MEF2A: variants seen among roughly 807,000 people sequenced by gnomAD.
MEF2A encodes the protein myocyte enhancer factor 2A, also known as myocyte-specific enhancer factor 2A.
In MEF2A, 28 loss-of-function variants were observed where a neutral mutation model predicts 55.8. The ratio of observed to expected loss-of-function variants is 0.50; its 90% CI spans 0.37 to 0.69. The LOEUF is 0.69. Among genes scored for constraint, MEF2A ranks in the 30% least tolerant of loss-of-function variants. The pLI, the probability that MEF2A is intolerant of heterozygous loss-of-function variation, is 0.00. For synonymous variants in MEF2A, 239 were observed against 227.1 expected (o/e 1.05, Z -0.47); for missense variants, 528 against 626.2 (o/e 0.84, Z 1.67).
At chr15:99,578,830 T>A (rs1965112724) in intron 1 of MEF2A, among the ~76,000 whole-genome samples, 2 of 152,242 alleles carry the variant, frequency 1.3e-5, no homozygotes. Context: ...GGATTGGAAC[T>A]TAAACCTGAT....
At chr15:99,698,967 T>C (rs1381837390) in intron 8 of MEF2A, among the ~76,000 whole-genome samples, 1 of 149,340 alleles carries the variant, frequency 6.7e-6, no homozygotes, top group Non-Finnish European at 1.5e-5. Flanking sequence ...CTATAATCCC[T>C]GCACTTTGGG....
chr15:99,648,729 A>AAAT (rs2046375751), intron 4 of MEF2A, among the ~76,000 whole-genome samples: 1 of 152,154 alleles, frequency 6.6e-6, no homozygotes, highest in African/African-American at 2.4e-5. Flanking sequence ...AGTCTTGAGT[A>AAAT]TATTAACATG....
chr15:99,629,796 C>T (rs1350827489), intron 2 of MEF2A, among the ~76,000 whole-genome samples: 4 of 152,048 alleles, frequency 2.6e-5, no homozygotes, highest in Non-Finnish European at 4.4e-5. Context: ...AAAAATTAGC[C>T]GGGCGTGGTG....
chr15:99,605,532 T>C (rs908769671), intron 2 of MEF2A, among the ~76,000 whole-genome samples: 1 of 152,220 alleles, frequency 6.6e-6, no homozygotes, highest in East Asian at 1.9e-4. Context: ...TCAACACATT[T>C]ACAGACGTTA....
intron 1 of MEF2A, among the ~76,000 whole-genome samples, chr15:99,576,430 G>A (rs928226157): frequency 3.9e-5 from 6 of 152,092 alleles, no homozygotes; most frequent in Non-Finnish European, 5.9e-5. Context: ...TGTCTTGAGC[G>A]TGGTTGATTT....
At chr15:99,659,149 G>A (rs2048221112) in intron 4 of MEF2A, among the ~76,000 whole-genome samples, 1 of 152,146 alleles carries the variant, frequency 6.6e-6, no homozygotes, top group South Asian at 2.1e-4. Context: ...CTCTATCTTA[G>A]TATTCATTTA....
At chr15:99,670,815 T>C (rs1252762997) in intron 4 of MEF2A, among the ~76,000 whole-genome samples, 1 of 152,214 alleles carries the variant, frequency 6.6e-6, no homozygotes, top group Non-Finnish European at 1.5e-5. Flanking sequence ...TACAGGAAAG[T>C]GAATAATAGG....
At chr15:99,626,415 A>C (rs1184658722) in intron 2 of MEF2A, among the ~76,000 whole-genome samples, 3 of 150,740 alleles carry the variant, frequency 2.0e-5, no homozygotes, top group African/African-American at 7.3e-5. Context: ...TGAAGAATCA[A>C]CTTTTGGCTT....
chr15:99,589,184 G>T (rs1968426807), intron 1 of MEF2A, among the ~76,000 whole-genome samples: 1 of 152,148 alleles, frequency 6.6e-6, no homozygotes, highest in African/African-American at 2.4e-5. Context: ...AAACCATCTT[G>T]GTTTGGAGTT....
rs531793829 is a variant in MEF2A at position 99,578,027 on chromosome 15, C to G, written c.-225+11923C>G. 3.9e-4 allele frequency among the ~76,000 whole-genome samples: 60 copies of G among 152,270 alleles called. 1 individual carries two copies. Among genetic ancestry groups the G allele is most frequent in the Admixed American group, 3.3e-4 (5 of 15,296 alleles). On this transcript the variant is annotated intron_variant, in intron 1 of 11. Coordinates refer to ENST00000557942, the MANE Select transcript of MEF2A (RefSeq NM_001319206.4). The stretch of plus-strand genomic sequence containing the variant: ...ATTAAGGTAATATCTGCTGATCTCT[C>G]CTCTGTAAAGTCATAGTGTAGTTGA...
intron 2 of MEF2A, among the ~76,000 whole-genome samples, chr15:99,616,123 A>G (rs1301585887): frequency 1.3e-5 from 2 of 152,306 alleles, no homozygotes; most frequent in South Asian, 4.1e-4. Flanking sequence ...CAATGTTTAA[A>G]ATTATAGATT....
intron 4 of MEF2A, among the ~76,000 whole-genome samples, chr15:99,653,191 T>C (rs1221448671): frequency 2.0e-5 from 3 of 152,228 alleles, no homozygotes; most frequent in Non-Finnish European, 2.9e-5. Flanking sequence ...GTGAGATGTA[T>C]ATAGTCTAAA....
At chr15:99,571,859 C>T (rs1452756578) in intron 1 of MEF2A, among the ~76,000 whole-genome samples, 1 of 152,132 alleles carries the variant, frequency 6.6e-6, no homozygotes, top group African/African-American at 2.4e-5. Flanking sequence ...CCAATCCATC[C>T]CCACGTCCTG....
intron 4 of MEF2A, among the ~76,000 whole-genome samples, chr15:99,661,530 G>C (rs1223760401): frequency 6.7e-6 from 1 of 150,230 alleles, no homozygotes; most frequent in Admixed American, 6.6e-5. Context: ...ATAATTAAAA[G>C]AACTACTATA....
intron 3 of MEF2A, among the ~76,000 whole-genome samples, chr15:99,640,352 T>G (rs2044655570): frequency 6.6e-6 from 1 of 152,208 alleles, no homozygotes; most frequent in Non-Finnish European, 1.5e-5. Context: ...CTTGCACATA[T>G]TTAGAGGTGA....
At position 99,631,350 on chromosome 15, in the gene MEF2A, C is replaced by T. The variant is rs932739107; in HGVS notation, c.-142-1628C>T. ...ATCTGTTAAAAGAAATATTCTACAACACAGCCTGTTTGATTGGGCCCCACG... is the reference window on the plus strand; with the variant it reads ...ATCTGTTAAAAGAAATATTCTACAATACAGCCTGTTTGATTGGGCCCCACG... On this transcript the variant is annotated intron_variant, in intron 2 of 11. Coordinates refer to ENST00000557942, the MANE Select transcript of MEF2A (RefSeq NM_001319206.4). Among the ~76,000 whole-genome samples, 32 of 152,112 alleles carry T rather than the reference C, an allele frequency of 2.1e-4. 2 individuals carry two copies. Among genetic ancestry groups the T allele is most frequent in the Admixed American group, 1.6e-3 (25 of 15,284 alleles).
intron 3 of MEF2A, among the ~76,000 whole-genome samples, chr15:99,637,479 A>T (rs2044085679): frequency 6.6e-6 from 1 of 152,198 alleles, no homozygotes; most frequent in Non-Finnish European, 1.5e-5. Context: ...TGCTAAGTAT[A>T]TAAAAGTATA....
chr15:99,594,083 T>C (rs1054303157), intron 1 of MEF2A, among the ~76,000 whole-genome samples: 1 of 152,160 alleles, frequency 6.6e-6, no homozygotes, highest in Non-Finnish European at 1.5e-5. Context: ...TCTGATACTA[T>C]CTACCTGGAG....
Position 99,596,487 on chromosome 15 carries a change from G to A in MEF2A, c.-224-1943G>A, listed in dbSNP as rs536353349. ...GTTAGTATAAAAAGAATACTTGGCAGTTTGTGTTTTTCCCGCCCCCAGAGG... is the reference window on the plus strand; with the variant it reads ...GTTAGTATAAAAAGAATACTTGGCAATTTGTGTTTTTCCCGCCCCCAGAGG... On this transcript the variant is annotated intron_variant, in intron 1 of 11. Transcript: ENST00000557942. Among the ~76,000 whole-genome samples, 3 of 152,224 alleles carry A rather than the reference G, an allele frequency of 2.0e-5. No individual in the cohort carries two copies. The South Asian group carries it at 6.2e-4, about 32-fold the overall frequency.
Sources: allele counts gnomAD v4.1 joint callset (sites outside exome capture counted in the v4.1 genomes callset), GRCh38; gene constraint gnomAD v4.1.1; transcripts MANE v1.5; gene names NCBI Gene and HGNC (gene_info 2026-07-23, HGNC 2026-07-21).